Variants in MINDY2 observed in about 807,000 individuals in gnomAD.
MINDY2 encodes the protein ubiquitin carboxyl-terminal hydrolase MINDY-2.
MINDY2 carries 52 observed loss-of-function variants against 68.2 expected under a neutral mutation model. The observed-to-expected ratio is 0.76, with a 90% CI of 0.61 to 0.96. The LOEUF (loss-of-function observed/expected upper bound fraction) is 0.96. Ranked by LOEUF, MINDY2 falls within the 40% of genes least tolerant of loss-of-function variation. MINDY2 has a pLI of 0.00. For missense variants in MINDY2, 881 were observed against 773.4 expected (o/e 1.14, Z -1.65); for synonymous variants, 372 against 303.0 (o/e 1.23, Z -2.36).
intron 7 of MINDY2, among the ~76,000 whole-genome samples, chr15:58,848,974 C>T (rs1164164573): frequency 1.3e-5 from 2 of 152,088 alleles, no homozygotes; most frequent in Non-Finnish European, 2.9e-5. Flanking sequence ...CTTTGAGAGG[C>T]TGAGGCAGGT....
chr15:58,785,747 G>A (rs1901456117), intron 1 of MINDY2, among the ~76,000 whole-genome samples: 1 of 152,062 alleles, frequency 6.6e-6, no homozygotes, highest in South Asian at 2.1e-4. Flanking sequence ...CACGATCTCT[G>A]CTCACTGAAG....
At chr15:58,837,174 CATT>C (rs1245222903) in intron 6 of MINDY2, among the ~76,000 whole-genome samples, 33 of 152,188 alleles carry the variant, frequency 2.2e-4, no homozygotes, top group African/African-American at 7.7e-4. Context: ...GGCTGTTCAT[CATT>C]AAGATTATTA....
At chr15:58,781,641 A>T (rs1319191214) in intron 1 of MINDY2, among the ~76,000 whole-genome samples, 1 of 152,012 alleles carries the variant, frequency 6.6e-6, no homozygotes, top group African/African-American at 2.4e-5. Context: ...GCAGTGGCTC[A>T]TGCCTGTAAT....
At chr15:58,791,044 G>T (rs1366693142) in intron 2 of MINDY2, among the ~76,000 whole-genome samples, 1 of 150,636 alleles carries the variant, frequency 6.6e-6, no homozygotes, top group Non-Finnish European at 1.5e-5. Flanking sequence ...GCTGGGAGTG[G>T]TGGCGGGCAC....
In MINDY2 at chr15:58,854,500, G is replaced by C. The variant is rs986593170; in HGVS notation, c.1756G>C (p.Ala586Pro). The C allele has an allele frequency of 6.2e-7, 1 of 1,613,572 alleles. No homozygotes were observed. The highest frequency in any genetic ancestry group is 8.5e-7 in the Non-Finnish European group (1 of 1,179,842). ...CTTAAAGCAGGGCCAGCCAGCACAA[G>C]CCTCTCCATCAAGTGGAAGACAATC... ...TQAQQGQPAQ[A>P]SPSSGRQSGN... Residue 586 changes from alanine (A) to proline (P), a missense_variant, in exon 9 of 9, where the codon GCC becomes CCC. Transcript: ENST00000559228.
intron 1 of MINDY2, among the ~76,000 whole-genome samples, chr15:58,780,665 C>A (rs1278103295): frequency 6.6e-6 from 1 of 152,212 alleles, no homozygotes; most frequent in African/African-American, 2.4e-5. Context: ...GGTCTTTATA[C>A]AGACTCCGGT....
intron 2 of MINDY2, among the ~76,000 whole-genome samples, chr15:58,794,629 T>A (rs1902163649): frequency 6.6e-6 from 1 of 151,694 alleles, no homozygotes; most frequent in Non-Finnish European, 1.5e-5. Context: ...AGGGAGGAAG[T>A]GGGGAGAGAA....
At chr15:58,839,338 G>GTTTGTTTGT (rs2032166321) in intron 6 of MINDY2, among the ~76,000 whole-genome samples, 1 of 151,764 alleles carries the variant, frequency 6.6e-6, no homozygotes. Context: ...TTGTTTGTTT[G>GTTTGTTTGT]TTTGTTTTTT....
At position 58,821,718 on chromosome 15, in the gene MINDY2, T is replaced by C. The variant is rs1330520238; in HGVS notation, c.1124T>C (p.Ile375Thr). ...GTGAGACAGTCATTTGTTTTCTAGA[T>C]TGATGACATTGTAAAAGCTGTTGGT... is the stretch of plus-strand genomic sequence containing the variant. ...LYHGWLVDPQ[I>T]DDIVKAVGNC... The change falls in exon 5 of 9, where the codon ATT becomes ACT. Residue 375 changes from isoleucine (I) to threonine (T), a missense_variant and splice_region_variant. By Grantham distance (89) the Ile-to-Thr change is moderately conservative. Transcript: ENST00000559228. The C allele has an allele frequency of 6.4e-7, 1 of 1,560,132 alleles. No individual in the cohort carries two copies. The highest frequency in any genetic ancestry group is 8.6e-7 in the Non-Finnish European group (1 of 1,158,362).
In MINDY2 at chr15:58,801,516, C is replaced by A. The variant is rs117167262; in HGVS notation, c.899-797C>A. Among the ~76,000 whole-genome samples the A allele has an allele frequency of 1.5e-4, 22 of 150,672 alleles. No individual in the cohort carries two copies. In the East Asian group the frequency reaches 4.3e-3, roughly 29 times the overall value. On this transcript the variant is annotated intron_variant, in intron 2 of 8. Transcript: ENST00000559228. ...ATTTAAAAGTATTAAAATTGTGATCCATATTTTTAAAAGGTACTACATATA... is the reference window on the plus strand; with the variant it reads ...ATTTAAAAGTATTAAAATTGTGATCAATATTTTTAAAAGGTACTACATATA...
At chr15:58,772,505 G>A (rs1238161605) in intron 1 of MINDY2, among the ~76,000 whole-genome samples, 1 of 152,170 alleles carries the variant, frequency 6.6e-6, no homozygotes, top group Non-Finnish European at 1.5e-5. Flanking sequence ...GAAGGACTTA[G>A]AGCATCTTAA....
At chr15:58,847,589 C>T in intron 7 of MINDY2, 119 bp downstream of exon 7, 1 of 729,600 alleles carries the variant, frequency 1.4e-6, no homozygotes. Flanking sequence ...TGAAATTTTC[C>T]TGACACTTCC....
At chr15:58,841,748 C>T (rs1395259920) in intron 6 of MINDY2, among the ~76,000 whole-genome samples, 1 of 152,144 alleles carries the variant, frequency 6.6e-6, no homozygotes, top group Non-Finnish European at 1.5e-5. Context: ...TTTCTGTGAG[C>T]AGAGTGAGGA....
At chr15:58,780,665 C>T (rs1278103295) in intron 1 of MINDY2, among the ~76,000 whole-genome samples, 1 of 152,212 alleles carries the variant, frequency 6.6e-6, no homozygotes, top group Non-Finnish European at 1.5e-5. Context: ...GGTCTTTATA[C>T]AGACTCCGGT....
At chr15:58,845,076 G>A (rs1298777970) in intron 6 of MINDY2, among the ~76,000 whole-genome samples, 4 of 151,718 alleles carry the variant, frequency 2.6e-5, no homozygotes, top group Non-Finnish European at 5.9e-5. Flanking sequence ...AATTTAAAAC[G>A]GGAAAATGAT....
chr15:58,838,839 C>G (rs1165998671), intron 6 of MINDY2, among the ~76,000 whole-genome samples: 4 of 151,886 alleles, frequency 2.6e-5, no homozygotes, highest in African/African-American at 9.7e-5. Flanking sequence ...CCTTGACCTC[C>G]CAAAGAACTG....
chr15:58,779,417 T>G (rs1900990561), intron 1 of MINDY2, among the ~76,000 whole-genome samples: 1 of 152,222 alleles, frequency 6.6e-6, no homozygotes, highest in South Asian at 2.1e-4. Context: ...TCCCTCAGAT[T>G]CTTTCACATA....
intron 3 of MINDY2, among the ~76,000 whole-genome samples, chr15:58,808,982 C>T (rs533099669): frequency 2.8e-4 from 43 of 152,270 alleles, no homozygotes; most frequent in Non-Finnish European, 4.7e-4. Context: ...GAGGCTGAGG[C>T]GGAGAATCAC....
intron 2 of MINDY2, among the ~76,000 whole-genome samples, chr15:58,794,354 T>C (rs1428809522): frequency 5.0e-5 from 6 of 120,000 alleles, no homozygotes; most frequent in African/African-American, 2.0e-4. Flanking sequence ...AAAGTTTTTT[T>C]TGGGGTGTGT....
Sources: allele counts gnomAD v4.1 joint callset (sites outside exome capture counted in the v4.1 genomes callset), GRCh38; gene constraint gnomAD v4.1.1; transcripts MANE v1.5; gene names NCBI Gene and HGNC (gene_info 2026-07-23, HGNC 2026-07-21).